CSMD1: variants seen among roughly 807,000 people sequenced by gnomAD.
The protein encoded by CSMD1 is CUB and Sushi multiple domains 1.
A neutral mutation model predicts 417.5 loss-of-function variants in CSMD1; 213 were observed. The ratio of observed to expected loss-of-function variants is 0.51; its 90% CI spans 0.46 to 0.57. The LOEUF (loss-of-function observed/expected upper bound fraction) is 0.57, where lower values mean the gene tolerates loss of function less well. CSMD1 is among the 20% of genes least tolerant of loss of function. The pLI is 0.00. For synonymous variants in CSMD1, 2,862 were observed against 1,736.8 expected (o/e 1.65, Z -16.11); for missense variants, 6,923 against 4,529.7 (o/e 1.53, Z -15.17).
At chr8:4,948,664 G>C (rs994187431) in intron 1 of CSMD1, among the ~76,000 whole-genome samples, 33 of 152,106 alleles carry the variant, frequency 2.2e-4, no homozygotes, top group African/African-American at 7.9e-4. Context: ...TTGCTAGGTT[G>C]CTAAACTCAT....
chr8:3,496,144 T>G lies in CSMD1; in HGVS notation c.1345-2418A>C, dbSNP rs140920814. 4.8e-3 allele frequency among the ~76,000 whole-genome samples: 725 copies of G among 152,274 alleles called. 3 individuals are homozygous for G. Among genetic ancestry groups the G allele is most frequent in the African/African-American group, 0.016 (682 of 41,544 alleles). ...TCATTGTTCAGCTCCCCTTTGTAAG[T>G]GAGAACATGCGGTGTTTGGTTTTCT... On this transcript the variant is annotated intron_variant, in intron 10 of 69. Coordinates refer to ENST00000635120, the MANE Select transcript of CSMD1 (RefSeq NM_033225.6).
chr8:3,853,464 G>A (rs1804055228), intron 5 of CSMD1, among the ~76,000 whole-genome samples: 1 of 152,064 alleles, frequency 6.6e-6, no homozygotes. Flanking sequence ...CTCTGTGAAG[G>A]CAAGGATCTT....
At chr8:3,447,827 G>A (rs551172357) in intron 12 of CSMD1, among the ~76,000 whole-genome samples, 4 of 152,194 alleles carry the variant, frequency 2.6e-5, no homozygotes, top group Non-Finnish European at 1.5e-5. Flanking sequence ...GGCCATTTTT[G>A]GGTTTGAGAT....
intron 1 of CSMD1, among the ~76,000 whole-genome samples, chr8:4,653,535 C>T (rs937676713): frequency 2.6e-5 from 4 of 152,036 alleles, no homozygotes; most frequent in African/African-American, 9.7e-5. Flanking sequence ...GCAACCCATG[C>T]TCAATATCAT....
chr8:3,007,302 A>G (rs1808011987), intron 52 of CSMD1, among the ~76,000 whole-genome samples: 1 of 151,928 alleles, frequency 6.6e-6, no homozygotes. Context: ...GTGGAGAAAT[A>G]GGAACACTAC....
rs1804990072 is a variant in CSMD1 at position 3,307,723 on chromosome 8, T to C, written c.3922A>G (p.Ile1308Val). ...YDNNLHCTWI[I>V]EADPGKTISL... ...ATGGTCTTTCCTGGGTCTGCCTCTA[T>C]AATCCAGGTGCAGTGGAGGTTGTTG... The change falls in exon 25 of 70, where the codon ATA (isoleucine) becomes GTA (valine). Residue 1308 changes from isoleucine to valine, a missense_variant. Transcript: ENST00000635120. 1.2e-6 allele frequency: 2 copies of C among 1,613,716 alleles called. No homozygotes were observed. The highest frequency in any genetic ancestry group is 1.7e-6 in the Non-Finnish European group (2 of 1,179,708).
chr8:4,739,358 A>G (rs1020534747), intron 1 of CSMD1, among the ~76,000 whole-genome samples: 1 of 152,172 alleles, frequency 6.6e-6, no homozygotes, highest in Admixed American at 6.5e-5. Context: ...CTTACTGTAA[A>G]CTTCACAAAT....
chr8:4,110,038 G>T (rs774098148), intron 3 of CSMD1, among the ~76,000 whole-genome samples: 1 of 152,130 alleles, frequency 6.6e-6, no homozygotes, highest in African/African-American at 2.4e-5. Context: ...ACTGTGCCCA[G>T]GCTAGACTGA....
chr8:3,658,053 C>T (rs79029703), intron 7 of CSMD1, among the ~76,000 whole-genome samples: 1 of 152,118 alleles, frequency 6.6e-6, no homozygotes, highest in Non-Finnish European at 1.5e-5. Flanking sequence ...CAGAGCATAA[C>T]AGCGTCAGCC....
At chr8:4,642,433 C>T (rs968791937) in intron 1 of CSMD1, among the ~76,000 whole-genome samples, 1 of 152,184 alleles carries the variant, frequency 6.6e-6, no homozygotes, top group Admixed American at 6.5e-5. Context: ...CTCTGTAATT[C>T]GTGCTGCTGT....
At chr8:4,798,978 C>A (rs1200312406) in intron 1 of CSMD1, among the ~76,000 whole-genome samples, 1 of 152,190 alleles carries the variant, frequency 6.6e-6, no homozygotes, top group East Asian at 1.9e-4. Context: ...CTTCTGCACG[C>A]CCACATCCTC....
At chr8:4,072,022 T>C (rs1249744382) in intron 3 of CSMD1, among the ~76,000 whole-genome samples, 1 of 152,196 alleles carries the variant, frequency 6.6e-6, no homozygotes, top group Non-Finnish European at 1.5e-5. Flanking sequence ...GTTTTGCTGG[T>C]TCAGAAAGAA....
intron 3 of CSMD1, among the ~76,000 whole-genome samples, chr8:4,307,946 T>C (rs758244802): frequency 6.6e-6 from 1 of 152,150 alleles, no homozygotes; most frequent in Non-Finnish European, 1.5e-5. Flanking sequence ...GTCTTCGGTG[T>C]AACAGAGGAG....
intron 55 of CSMD1, 87 bp from the exon 56 acceptor site, chr8:2,974,711 G>C: frequency 2.2e-6 from 2 of 908,236 alleles, no homozygotes; most frequent in Non-Finnish European, 3.1e-6. Context: ...CACCCATACT[G>C]ACATCATGTA....
chr8:4,371,410 A>T (rs987213016), intron 3 of CSMD1, among the ~76,000 whole-genome samples: 6 of 152,242 alleles, frequency 3.9e-5, no homozygotes, highest in African/African-American at 1.4e-4. Context: ...ATTCTGTTTA[A>T]TTCAAGTAAG....
intron 1 of CSMD1, among the ~76,000 whole-genome samples, chr8:4,822,946 A>G (rs986093669): frequency 5.9e-5 from 9 of 152,084 alleles, no homozygotes; most frequent in African/African-American, 2.2e-4. Context: ...ATTTATTCGG[A>G]CTTTGCCTCT....
At chr8:4,916,203 C>T (rs895227705) in intron 1 of CSMD1, among the ~76,000 whole-genome samples, 1 of 152,184 alleles carries the variant, frequency 6.6e-6, no homozygotes, top group South Asian at 2.1e-4. Flanking sequence ...CATTGTGAGG[C>T]AGCTCCGTAG....
chr8:4,681,491 T>A (rs1028634083), intron 1 of CSMD1, among the ~76,000 whole-genome samples: 1 of 152,162 alleles, frequency 6.6e-6, no homozygotes, highest in Non-Finnish European at 1.5e-5. Flanking sequence ...GCACAAATGA[T>A]GTCTCAATAC....
Position 3,590,002 on chromosome 8 carries a change from C to G in CSMD1, c.1098-3742G>C, listed in dbSNP as rs561215922. On this transcript the variant is annotated intron_variant, in intron 8 of 69. Transcript: ENST00000635120. ...CAGAAGACATTAGAGTGTCCAACAA[C>G]AGGACTGTGCTTGACTAAATTTTTT... 1.1e-4 allele frequency among the ~76,000 whole-genome samples: 17 copies of G among 152,176 alleles called. No individual in the cohort carries two copies. In the East Asian group the frequency reaches 3.3e-3, roughly 29 times the overall value.
Sources: allele counts gnomAD v4.1 joint callset (sites outside exome capture counted in the v4.1 genomes callset), GRCh38; gene constraint gnomAD v4.1.1; transcripts MANE v1.5; gene names NCBI Gene and HGNC (gene_info 2026-07-23, HGNC 2026-07-21).